The following SIL1 variants were observed in gnomAD, a reference collection of about 807,000 sequenced individuals.
SIL1 encodes the protein nucleotide exchange factor SIL1.
Under a neutral mutation model 49.1 loss-of-function variants are expected in SIL1, and 40 were observed. The observed-to-expected ratio is 0.81, with a 90% CI of 0.63 to 1.06. SIL1 has a LOEUF of 1.06. Among genes scored for constraint, SIL1 ranks in the 50% least tolerant of loss-of-function variants. SIL1 has a pLI of 0.00. For missense variants in SIL1, 500 were observed against 572.6 expected, an observed-to-expected ratio of 0.87 and a Z score of 1.29; for synonymous variants, 253 against 250.8, an observed-to-expected ratio of 1.01 and a Z score of -0.08.
chr5:139,177,699 T>C (rs1290370112), intron 1 of SIL1, among the ~76,000 whole-genome samples: 1 of 152,248 alleles, frequency 6.6e-6, no homozygotes, highest in Non-Finnish European at 1.5e-5. Context: ...CACCATGCAC[T>C]TAACACTTGG....
chr5:138,986,412 G>A (rs1767650584), intron 7 of SIL1, among the ~76,000 whole-genome samples: 2 of 152,148 alleles, frequency 1.3e-5, no homozygotes, highest in Non-Finnish European at 2.9e-5. Context: ...GACGCAACTT[G>A]CACAAATACC....
At chr5:139,087,418 C>T (rs1486189883) in intron 3 of SIL1, among the ~76,000 whole-genome samples, 1 of 152,010 alleles carries the variant, frequency 6.6e-6, no homozygotes, top group African/African-American at 2.4e-5. Context: ...CCAAGACAGG[C>T]CTATAATCCC....
intron 3 of SIL1, among the ~76,000 whole-genome samples, chr5:139,075,290 T>C (rs1769925075): frequency 1.3e-5 from 2 of 152,168 alleles, no homozygotes; most frequent in Non-Finnish European, 2.9e-5. Context: ...GGCAGATGGA[T>C]GGAAGCATGA....
At chr5:139,098,806 ACT>A (rs1770523134) in intron 3 of SIL1, among the ~76,000 whole-genome samples, 1 of 119,156 alleles carries the variant, frequency 8.4e-6, no homozygotes, top group South Asian at 2.8e-4. Context: ...GACTTTTCTT[ACT>A]CTTTTTTTTT....
intron 6 of SIL1, among the ~76,000 whole-genome samples, chr5:139,025,112 C>A (rs1768615197): frequency 6.6e-6 from 1 of 152,186 alleles, no homozygotes. Flanking sequence ...AGGTTAAGCC[C>A]TAATTTTGTT....
intron 7 of SIL1, among the ~76,000 whole-genome samples, chr5:138,958,512 T>C (rs962982605): frequency 6.6e-6 from 1 of 152,212 alleles, no homozygotes. Context: ...AACTTTCATG[T>C]AGTCGTTTTG....
chr5:139,136,426 G>C (rs1750974651), intron 1 of SIL1, among the ~76,000 whole-genome samples: 1 of 152,208 alleles, frequency 6.6e-6, no homozygotes, highest in Non-Finnish European at 1.5e-5. Context: ...CAGGAGCAGA[G>C]CGACTATCTT....
chr5:138,947,222 AGCCT>A lies in SIL1; in HGVS notation c.1277_1280del (p.Gln426LeufsTer31). ...CCAGGCTGGCCAGCACCTGGTACTC[AGCCT>A]GCAGGCTGGCCAGTGTCCTGCCGAG... is the stretch of plus-strand genomic sequence containing the variant. On this transcript the variant is annotated frameshift_variant, in exon 10 of 10. Coordinates refer to ENST00000394817, the MANE Select transcript of SIL1 (RefSeq NM_022464.5). LOFTEE classifies it high-confidence loss of function. This position sits in a 1 kb window ranked among gnomAD's most constrained non-coding sequence, Gnocchi z 4.1. 1 of 1,613,100 alleles carries A rather than the reference AGCCT, an allele frequency of 6.2e-7. No individual in the cohort carries two copies. The highest frequency in any genetic ancestry group is 1.3e-5 in the African/African-American group (1 of 74,994).
intron 3 of SIL1, among the ~76,000 whole-genome samples, chr5:139,080,609 G>C (rs1279334792): frequency 6.6e-6 from 1 of 152,176 alleles, no homozygotes; most frequent in African/African-American, 2.4e-5. Context: ...ATTACATAAG[G>C]AACAGACTGC....
At chr5:139,139,328 T>A (rs1254221911) in intron 1 of SIL1, among the ~76,000 whole-genome samples, 3 of 152,136 alleles carry the variant, frequency 2.0e-5, no homozygotes, top group African/African-American at 7.2e-5. Flanking sequence ...GGAGGAGAGA[T>A]CAGAATTCAT....
intron 7 of SIL1, 137 bp downstream of exon 7, chr5:139,021,034 C>A (rs1768513425): frequency 7.9e-7 from 1 of 1,270,198 alleles, no homozygotes. Context: ...GGAATAAGGG[C>A]AGAATCAAAT....
chr5:138,956,469 C>T (rs1766904364), intron 7 of SIL1, among the ~76,000 whole-genome samples: 1 of 152,162 alleles, frequency 6.6e-6, no homozygotes, highest in Non-Finnish European at 1.5e-5. Flanking sequence ...ATTGGCTGGG[C>T]GCAGTGGCTC....
rs574986469 is a variant in SIL1, at chr5:139,160,604, C to T, written c.-10-32751G>A. ...CTATAATCCCAGCAGTTTGGGAGGC[C>T]GAGGCAGGCAGACCACCTGAGGTTA... On this transcript the variant is annotated intron_variant, in intron 1 of 9. Coordinates refer to ENST00000394817, the MANE Select transcript of SIL1 (RefSeq NM_022464.5). Among the ~76,000 whole-genome samples, 6 of 151,740 alleles carry T rather than the reference C, an allele frequency of 4.0e-5. No homozygotes were observed. In the East Asian group the frequency reaches 1.2e-3, roughly 30 times the overall value.
At chr5:139,060,675 G>A (rs761905851) in intron 3 of SIL1, among the ~76,000 whole-genome samples, 16 of 152,076 alleles carry the variant, frequency 1.1e-4, no homozygotes, top group African/African-American at 2.9e-4. Context: ...ATTATATCTC[G>A]ATAAAGTGGT....
chr5:139,094,966 C>G (rs1770422766), intron 3 of SIL1, among the ~76,000 whole-genome samples: 1 of 152,152 alleles, frequency 6.6e-6, no homozygotes, highest in Non-Finnish European at 1.5e-5. Context: ...TGATGTTTTT[C>G]TCATTAGACT....
chr5:138,989,617 C>G (rs1039791279), intron 7 of SIL1, among the ~76,000 whole-genome samples: 2 of 152,104 alleles, frequency 1.3e-5, no homozygotes, highest in African/African-American at 4.8e-5. Context: ...AGGCTGGAAA[C>G]AAGGGCCGCA....
chr5:139,157,004 C>A (rs1751419591), intron 1 of SIL1, among the ~76,000 whole-genome samples: 1 of 152,176 alleles, frequency 6.6e-6, no homozygotes, highest in Admixed American at 6.5e-5. Context: ...ACACAGCCTC[C>A]CCAAGCCAGA....
intron 1 of SIL1, chr5:139,131,559 A>G (rs1750862964): frequency 1.3e-5 from 2 of 152,202 alleles, no homozygotes; most frequent in Non-Finnish European, 2.9e-5. Flanking sequence ...AATAGCTGCT[A>G]CACTCACCCA....
intron 1 of SIL1, among the ~76,000 whole-genome samples, chr5:139,154,375 C>T (rs1332600311): frequency 6.6e-6 from 1 of 152,236 alleles, no homozygotes; most frequent in Non-Finnish European, 1.5e-5. Flanking sequence ...GTGCCCTTTA[C>T]TCACTAATGC....
Sources: allele counts gnomAD v4.1 joint callset (sites outside exome capture counted in the v4.1 genomes callset), GRCh38; gene constraint gnomAD v4.1.1; non-coding constraint Gnocchi (gnomAD v3.1); transcripts MANE v1.5; gene names NCBI Gene and HGNC (gene_info 2026-07-23, HGNC 2026-07-21).